DAB1: variants seen among roughly 807,000 people sequenced by gnomAD.
DAB1 encodes the protein DAB adaptor protein 1.
In DAB1, 15 loss-of-function variants were observed where a neutral mutation model predicts 64.6. That is an observed-to-expected ratio of 0.23 (90% CI 0.16 to 0.36). DAB1 has a LOEUF of 0.36. Among genes scored for constraint, DAB1 ranks in the 10% least tolerant of loss-of-function variants. The probability of loss-of-function intolerance (pLI) is 1.00; values close to 1 mark genes in which losing one functional copy is unlikely to be tolerated. For synonymous variants in DAB1, 235 were observed against 251.9 expected, an observed-to-expected ratio of 0.93 and a Z score of 0.64; for missense variants, 596 against 706.7, an observed-to-expected ratio of 0.84 and a Z score of 1.78.
At chr1:57,595,632 C>G (rs913549309) in intron 7 of DAB1, among the ~76,000 whole-genome samples, 5 of 151,924 alleles carry the variant, frequency 3.3e-5, no homozygotes, top group African/African-American at 7.3e-5. Context: ...GTGTTCCCCC[C>G]CCACCCCCCA....
At chr1:58,249,109 G>A (rs528784838) in intron 4 of DAB1, among the ~76,000 whole-genome samples, 81 of 152,182 alleles carry the variant, frequency 5.3e-4, no homozygotes, top group African/African-American at 1.9e-3. Flanking sequence ...TGAGCTGTTC[G>A]AAACAGGCTG....
chr1:57,371,581 A>G (rs1680500051), intron 1 of DAB1, among the ~76,000 whole-genome samples: 1 of 152,184 alleles, frequency 6.6e-6, no homozygotes, highest in African/African-American at 2.4e-5. Flanking sequence ...CTGGGGCTCT[A>G]TGACTTGCCT....
intron 5 of DAB1, among the ~76,000 whole-genome samples, chr1:57,955,117 A>G (rs1645361620): frequency 6.6e-6 from 1 of 151,898 alleles, no homozygotes; most frequent in Admixed American, 6.6e-5. Context: ...AATATTCTTC[A>G]TTCTCTCTAC....
At chr1:58,098,169 C>T (rs1408387134) in intron 5 of DAB1, among the ~76,000 whole-genome samples, 2 of 152,098 alleles carry the variant, frequency 1.3e-5, no homozygotes, top group East Asian at 1.9e-4. Flanking sequence ...TTTCTCTTTG[C>T]GTCTTTCACC....
intron 4 of DAB1, among the ~76,000 whole-genome samples, chr1:58,217,366 G>T (rs1443603076): frequency 6.6e-6 from 1 of 152,192 alleles, no homozygotes; most frequent in Non-Finnish European, 1.5e-5. Context: ...GAAGTCTGGT[G>T]TCTGCAGAGT....
chr1:57,739,221 C>T (rs2101786728), intron 6 of DAB1, among the ~76,000 whole-genome samples: 1 of 152,218 alleles, frequency 6.6e-6, no homozygotes, highest in South Asian at 2.1e-4. Flanking sequence ...TCTCCATTTT[C>T]TACTGAATAA....
At chr1:57,213,856 G>C (rs1245876875) in intron 2 of DAB1, among the ~76,000 whole-genome samples, 1 of 151,758 alleles carries the variant, frequency 6.6e-6, no homozygotes, top group Non-Finnish European at 1.5e-5. Flanking sequence ...TCTCTCTCTG[G>C]TCTTCTTTCC....
In DAB1 at chr1:57,498,135, A is replaced by G. The variant is rs942004744; in HGVS notation, n.625+151457T>C. Among the ~76,000 whole-genome samples, 18 of 152,222 alleles carry G rather than the reference A, an allele frequency of 1.2e-4. 1 individual carries two copies. Among genetic ancestry groups the G allele is most frequent in the Admixed American group, 1.0e-3 (16 of 15,280 alleles). On this transcript the variant is annotated intron_variant and non_coding_transcript_variant, in intron 7 of 20. Coordinates refer to the DAB1 transcript ENST00000485760. Reference sequence around the variant, plus strand: ...GATTCTTATTAACTTGTGCAAGTGCAGAGAGATGGAGAATCCTGGAAGAGG... The same window carrying G: ...GATTCTTATTAACTTGTGCAAGTGCGGAGAGATGGAGAATCCTGGAAGAGG...
At chr1:57,649,066 C>T (rs867625275) in intron 7 of DAB1, among the ~76,000 whole-genome samples, 15 of 152,270 alleles carry the variant, frequency 9.9e-5, no homozygotes, top group South Asian at 4.1e-4. Context: ...AAGTTTAGGA[C>T]GTCAAAATAA....
chr1:57,907,778 G>A (rs12118826), intron 5 of DAB1, among the ~76,000 whole-genome samples: 17,126 of 151,642 alleles, frequency 0.11, 1,167 homozygotes, highest in East Asian at 0.21. Flanking sequence ...TTAACGATGG[G>A]GATACATGCT....
At chr1:57,212,778 G>A (rs996538219) in intron 2 of DAB1, among the ~76,000 whole-genome samples, 2 of 152,108 alleles carry the variant, frequency 1.3e-5, no homozygotes, top group African/African-American at 4.8e-5. Context: ...TTTAAACCAA[G>A]GGAACCCAGC....
chr1:57,229,034 C>A (rs1411748432), intron 2 of DAB1, among the ~76,000 whole-genome samples: 2 of 152,026 alleles, frequency 1.3e-5, no homozygotes, highest in Non-Finnish European at 2.9e-5. Context: ...ATACTTATCA[C>A]CTAAAGTACA....
chr1:57,635,936 A>C (rs1183830831), intron 7 of DAB1, among the ~76,000 whole-genome samples: 1 of 151,630 alleles, frequency 6.6e-6, no homozygotes, highest in African/African-American at 2.4e-5. Flanking sequence ...ACTACTAAAA[A>C]TACAACAAAA....
intron 7 of DAB1, among the ~76,000 whole-genome samples, chr1:57,648,671 C>T (rs778167916): frequency 5.9e-5 from 9 of 152,192 alleles, no homozygotes; most frequent in Non-Finnish European, 1.3e-4. Context: ...CTCATATTTG[C>T]CTTGCAAACT....
chr1:58,369,938 G>T (rs1464066546), intron 3 of DAB1, among the ~76,000 whole-genome samples: 3 of 152,190 alleles, frequency 2.0e-5, no homozygotes, highest in African/African-American at 7.2e-5. Context: ...GGGAAAACAG[G>T]TATTATCATA....
At chr1:57,230,678 G>GAC (rs1667611748) in intron 2 of DAB1, among the ~76,000 whole-genome samples, 1 of 99,560 alleles carries the variant, frequency 1.0e-5, no homozygotes, top group Admixed American at 1.2e-4. Flanking sequence ...GTGATATTTT[G>GAC]ACACATATAT....
At chr1:57,675,113 C>G (rs1315384956) in intron 6 of DAB1, among the ~76,000 whole-genome samples, 2 of 152,216 alleles carry the variant, frequency 1.3e-5, no homozygotes, top group Admixed American at 6.5e-5. Flanking sequence ...ATCCTGGATT[C>G]TCAAGTGACC....
chr1:57,226,673 ATAT>A (rs370689490), intron 2 of DAB1, among the ~76,000 whole-genome samples: 14,303 of 121,476 alleles, frequency 0.12, 934 homozygotes, highest in East Asian at 0.34. Flanking sequence ...TAAAAAAAAA[ATAT>A]ATATATATAT....
In DAB1 at chr1:57,759,810, G is replaced by A. The variant is rs553552835; in HGVS notation, n.552-110145C>T. ...ATTGACCATGGTGGCGGTGAAGGAG[G>A]TGCAACAAAATGGGCTCAATGTGTA... is the stretch of plus-strand genomic sequence containing the variant. On this transcript the variant is annotated intron_variant and non_coding_transcript_variant, in intron 6 of 20. Transcript: ENST00000485760. Among the ~76,000 whole-genome samples the A allele has an allele frequency of 9.5e-4, 145 of 152,218 alleles. 1 individual carries two copies. Among genetic ancestry groups the A allele is most frequent in the Non-Finnish European group, 1.7e-3 (119 of 68,008 alleles).
Sources: gnomAD v4.1 joint callset for allele counts (sites outside exome capture counted in the v4.1 genomes callset) on GRCh38, gnomAD v4.1.1 for gene constraint, MANE v1.5 for transcripts, NCBI Gene and HGNC (gene_info 2026-07-23, HGNC 2026-07-21) for gene names.